Variants in APBB2 observed in about 807,000 individuals in gnomAD.
APBB2 encodes Fe65-like 1.
APBB2 carries 38 observed loss-of-function variants against 82.5 expected under a neutral mutation model. That is an observed-to-expected ratio of 0.46 (90% CI 0.36 to 0.60). The LOEUF (loss-of-function observed/expected upper bound fraction) is 0.60. APBB2 is among the 20% of genes least tolerant of loss of function. APBB2 has a pLI of 0.00. For missense variants in APBB2, 772 were observed against 972.3 expected (o/e 0.79, Z 2.74); for synonymous variants, 341 against 368.2 (o/e 0.93, Z 0.85).
chr4:40,981,380 CAA>C (rs35012895), intron 6 of APBB2, among the ~76,000 whole-genome samples: 3 of 116,388 alleles, frequency 2.6e-5, no homozygotes, highest in African/African-American at 5.7e-5. Flanking sequence ...GACCCTGTCT[CAA>C]AAAAAAAAAG....
At chr4:40,936,621 T>C (rs1465425863) in intron 7 of APBB2, among the ~76,000 whole-genome samples, 2 of 152,188 alleles carry the variant, frequency 1.3e-5, no homozygotes, top group Non-Finnish European at 1.5e-5. Context: ...TTTAGACCCA[T>C]TATTACTATT....
chr4:40,835,905 G>A (rs1753762885), intron 12 of APBB2, among the ~76,000 whole-genome samples: 1 of 152,226 alleles, frequency 6.6e-6, no homozygotes, highest in Non-Finnish European at 1.5e-5. Flanking sequence ...ACGTGGATGA[G>A]GGAGGCGATT....
intron 1 of APBB2, among the ~76,000 whole-genome samples, chr4:41,191,051 G>C (rs1435086344): frequency 6.6e-6 from 1 of 152,146 alleles, no homozygotes; most frequent in African/African-American, 2.4e-5. Context: ...GCTTGGCAGG[G>C]ACCCAGCGGA....
At chr4:41,021,560 G>A (rs766563596) in intron 5 of APBB2, among the ~76,000 whole-genome samples, 1 of 152,094 alleles carries the variant, frequency 6.6e-6, no homozygotes, top group Non-Finnish European at 1.5e-5. Context: ...CTGTAAAAAC[G>A]CACCAATCAG....
intron 3 of APBB2, among the ~76,000 whole-genome samples, chr4:41,085,007 T>C (rs1739108762): frequency 6.6e-6 from 1 of 152,084 alleles, no homozygotes; most frequent in South Asian, 2.1e-4. Context: ...TCCCAGCACT[T>C]TGGGAGGCCA....
chr4:41,015,261 T>A (rs1046528809), intron 5 of APBB2, among the ~76,000 whole-genome samples: 1 of 152,202 alleles, frequency 6.6e-6, no homozygotes, highest in African/African-American at 2.4e-5. Context: ...TCTATATGTC[T>A]CTCGCTGGGA....
intron 12 of APBB2, among the ~76,000 whole-genome samples, chr4:40,835,994 GT>G (rs1403485870): frequency 6.6e-6 from 1 of 152,174 alleles, no homozygotes; most frequent in African/African-American, 2.4e-5. Flanking sequence ...GGCTGGTTTG[GT>G]GCAAGAAGTT....
intron 12 of APBB2, among the ~76,000 whole-genome samples, chr4:40,873,639 G>A (rs1254903264): frequency 1.3e-5 from 2 of 152,224 alleles, no homozygotes; most frequent in Admixed American, 6.5e-5. Context: ...ATCGCTGGTG[G>A]TGGAGGAAAC....
At chr4:40,909,839 T>C (rs916663010) in intron 10 of APBB2, among the ~76,000 whole-genome samples, 1 of 152,154 alleles carries the variant, frequency 6.6e-6, no homozygotes, top group African/African-American at 2.4e-5. Context: ...GGCGCTGACA[T>C]TTACACATCA....
At chr4:41,033,591 C>CACACACAT in intron 4 of APBB2, among the ~76,000 whole-genome samples, 1 of 143,946 alleles carries the variant, frequency 6.9e-6, no homozygotes, top group Non-Finnish European at 1.5e-5. Context: ...TCATCACACA[C>CACACACAT]ACACACACAC....
intron 12 of APBB2, among the ~76,000 whole-genome samples, chr4:40,854,795 A>G (rs1162912757): frequency 6.1e-5 from 6 of 98,170 alleles, no homozygotes; most frequent in Non-Finnish European, 1.3e-4. Flanking sequence ...ATCTCCAAAA[A>G]AAAAAAAAAA....
chr4:41,095,926 C>T (rs951465081), intron 3 of APBB2, among the ~76,000 whole-genome samples: 1 of 152,234 alleles, frequency 6.6e-6, no homozygotes. Flanking sequence ...ACCTTTCTCA[C>T]TCTGGCACCT....
intron 1 of APBB2, among the ~76,000 whole-genome samples, chr4:41,204,297 A>T (rs935375285): frequency 4.6e-5 from 7 of 152,226 alleles, no homozygotes; most frequent in Admixed American, 3.9e-4. Context: ...TCTGCAGAAG[A>T]TTTCAGAAGA....
chr4:41,053,448 C>A (rs147981196), intron 4 of APBB2, among the ~76,000 whole-genome samples: 506 of 151,792 alleles, frequency 3.3e-3, no homozygotes, highest in Non-Finnish European at 5.4e-3. Context: ...TCCAGGATAA[C>A]TTTTTTCTAT....
intron 12 of APBB2, among the ~76,000 whole-genome samples, chr4:40,887,518 G>C (rs1332508903): frequency 6.6e-6 from 1 of 151,980 alleles, no homozygotes; most frequent in Non-Finnish European, 1.5e-5. Flanking sequence ...ATTACAAATT[G>C]AATTTGCTCT....
chr4:40,833,154 A>G (rs987804304), intron 12 of APBB2, among the ~76,000 whole-genome samples: 1 of 152,166 alleles, frequency 6.6e-6, no homozygotes, highest in Non-Finnish European at 1.5e-5. Flanking sequence ...TCAGAAATAC[A>G]CCACGTCTCC....
chr4:41,051,900 C>T (rs1035865504), intron 4 of APBB2, among the ~76,000 whole-genome samples: 3 of 152,184 alleles, frequency 2.0e-5, no homozygotes, highest in Non-Finnish European at 4.4e-5. Flanking sequence ...CCTCCGTTTC[C>T]TCCACTGTAA....
At chr4:41,074,062 G>A (rs558943591) in intron 3 of APBB2, among the ~76,000 whole-genome samples, 6 of 152,172 alleles carry the variant, frequency 3.9e-5, no homozygotes, top group Non-Finnish European at 7.3e-5. Context: ...GGAGTTCAAG[G>A]CTACAGTGAG....
At chr4:40,948,711 GATTGTGCC>G (rs1358025136) in intron 6 of APBB2, among the ~76,000 whole-genome samples, 1 of 145,396 alleles carries the variant, frequency 6.9e-6, no homozygotes, top group Non-Finnish European at 1.5e-5. Flanking sequence ...AGTGAGCTGA[GATTGTGCC>G]ATTGTACTCC....
Sources: allele counts gnomAD v4.1 joint callset (sites outside exome capture counted in the v4.1 genomes callset), GRCh38; gene constraint gnomAD v4.1.1; transcripts MANE v1.5; gene names NCBI Gene and HGNC (gene_info 2026-07-23, HGNC 2026-07-21).